OLA1: variants seen among roughly 807,000 people sequenced by gnomAD.
OLA1 encodes Obg like ATPase 1.
OLA1 carries 14 observed loss-of-function variants against 48.4 expected under a neutral mutation model. The observed-to-expected ratio is 0.29, with a 90% confidence interval of 0.19 to 0.45. The LOEUF (loss-of-function observed/expected upper bound fraction) is 0.45. OLA1 is among the 20% of genes least tolerant of loss of function. OLA1 has a pLI of 1.00. For synonymous variants in OLA1, 127 were observed against 150.4 expected (o/e 0.84, Z 1.14); for missense variants, 325 against 467.1 (o/e 0.70, Z 2.80).
At chr2:174,118,514 G>A (rs746202201) in intron 7 of OLA1, among the ~76,000 whole-genome samples, 2 of 152,176 alleles carry the variant, frequency 1.3e-5, no homozygotes, top group African/African-American at 4.8e-5. Flanking sequence ...GTGTGTACAT[G>A]TATAGAGAAT....
intron 7 of OLA1, among the ~76,000 whole-genome samples, chr2:174,116,876 T>C (rs1685796593): frequency 6.6e-6 from 1 of 152,174 alleles, no homozygotes; most frequent in Non-Finnish European, 1.5e-5. Flanking sequence ...ACAATGAAAC[T>C]GTTTTAAAAG....
intron 4 of OLA1, chr2:174,172,164 G>C: frequency 4.6e-6 from 1 of 218,850 alleles, no homozygotes; most frequent in South Asian, 8.7e-5. Flanking sequence ...GAGCTGGAGA[G>C]ATGTGGCGTT....
chr2:174,116,142 A>C lies in OLA1; in HGVS notation c.728+7038T>G, dbSNP rs116077662. ...TTTCTTGATGTAAAGCATTAAAAAT[A>C]CAGATTGCACAGCAATGTGCAGTCC... is the stretch of plus-strand genomic sequence containing the variant. On this transcript the variant is annotated intron_variant, in intron 7 of 10. Transcript: ENST00000284719. Among the ~76,000 whole-genome samples, 1,198 of 152,362 alleles carry C rather than the reference A, an allele frequency of 7.9e-3. 18 individuals carry two copies. The highest frequency in any genetic ancestry group is 0.027 in the African/African-American group (1,130 of 41,568).
At chr2:174,147,863 G>A (rs749008657) in intron 4 of OLA1, among the ~76,000 whole-genome samples, 2 of 152,018 alleles carry the variant, frequency 1.3e-5, no homozygotes, top group African/African-American at 2.4e-5. Flanking sequence ...TTGCTCTGTC[G>A]CTCAGGCTGG....
intron 5 of OLA1, among the ~76,000 whole-genome samples, chr2:174,140,671 G>C (rs565130031): frequency 6.6e-6 from 1 of 152,078 alleles, no homozygotes; most frequent in South Asian, 2.1e-4. Context: ...AATCCCCTTT[G>C]CCATCATGGG....
intron 4 of OLA1, among the ~76,000 whole-genome samples, chr2:174,195,066 A>G (rs561448921): frequency 1.3e-5 from 2 of 152,290 alleles, no homozygotes; most frequent in Admixed American, 6.5e-5. Context: ...GCTGTGCTTC[A>G]GCCTTCATCT....
chr2:174,082,506 T>G (rs1389363659), intron 7 of OLA1, among the ~76,000 whole-genome samples: 2 of 152,124 alleles, frequency 1.3e-5, no homozygotes, highest in Non-Finnish European at 2.9e-5. Flanking sequence ...AAATAAATAA[T>G]TTGTTCCAGC....
intron 4 of OLA1, among the ~76,000 whole-genome samples, chr2:174,143,696 A>C (rs10930642): frequency 0.42 from 63,458 of 152,078 alleles, 14,150 homozygotes; most frequent in East Asian, 0.94. Context: ...TAGTAACTGC[A>C]ATTCTTCTGA....
intron 4 of OLA1, among the ~76,000 whole-genome samples, chr2:174,149,766 T>G (rs527317395): frequency 1.2e-4 from 18 of 152,278 alleles, no homozygotes; most frequent in Middle Eastern, 3.4e-3. Context: ...GACTGAAGAT[T>G]AATCAGTTTG....
At chr2:174,093,008 C>T (rs1297483081) in intron 7 of OLA1, among the ~76,000 whole-genome samples, 3 of 152,180 alleles carry the variant, frequency 2.0e-5, no homozygotes, top group African/African-American at 2.4e-5. Flanking sequence ...AGATCATTCC[C>T]GAATCTCCGG....
intron 9 of OLA1, among the ~76,000 whole-genome samples, chr2:174,079,879 A>T (rs1298097684): frequency 6.6e-6 from 1 of 152,000 alleles, no homozygotes; most frequent in Non-Finnish European, 1.5e-5. Flanking sequence ...ACTGATGCTT[A>T]CCTGACTAAA....
chr2:174,155,736 T>C (rs959505851), intron 4 of OLA1, among the ~76,000 whole-genome samples: 39 of 151,548 alleles, frequency 2.6e-4, no homozygotes, highest in African/African-American at 8.5e-4. Flanking sequence ...AATGTAGCAA[T>C]AAAAAAAGAG....
intron 5 of OLA1, among the ~76,000 whole-genome samples, chr2:174,137,611 A>C (rs967438449): frequency 2.0e-5 from 3 of 152,128 alleles, no homozygotes; most frequent in Non-Finnish European, 4.4e-5. Context: ...TCTTAGTTAG[A>C]CCTTCTGGAG....
rs574221329 is a variant in OLA1, at chr2:174,138,134, C to A, written c.549+3691G>T. Among the ~76,000 whole-genome samples, 195 of 152,368 alleles carry A rather than the reference C, an allele frequency of 1.3e-3. 2 individuals are homozygous for A. The highest frequency in any genetic ancestry group is 4.5e-3 in the African/African-American group (188 of 41,588). ...TCCTTTGCATTCACAACTTGGCTAACGTGGTGCAAAAGACCTGGCTTTCAG... is the reference window on the plus strand; with the variant it reads ...TCCTTTGCATTCACAACTTGGCTAAAGTGGTGCAAAAGACCTGGCTTTCAG... On this transcript the variant is annotated intron_variant, in intron 5 of 10. Transcript: ENST00000284719.
intron 7 of OLA1, among the ~76,000 whole-genome samples, chr2:174,112,290 A>G (rs1685672193): frequency 6.6e-6 from 1 of 152,198 alleles, no homozygotes; most frequent in African/African-American, 2.4e-5. Flanking sequence ...TGGTTATGTA[A>G]CTTTGGCCAA....
At chr2:174,180,673 T>G (rs1230394481) in intron 4 of OLA1, among the ~76,000 whole-genome samples, 1 of 152,218 alleles carries the variant, frequency 6.6e-6, no homozygotes, top group Non-Finnish European at 1.5e-5. Context: ...CCTTTTCTAC[T>G]GGCCTACTTG....
chr2:174,130,640 A>G (rs1686159551), intron 5 of OLA1, among the ~76,000 whole-genome samples: 1 of 152,184 alleles, frequency 6.6e-6, no homozygotes, highest in Admixed American at 6.5e-5. Flanking sequence ...GTTTGAATGC[A>G]TTTTACCATG....
chr2:174,141,326 T>C (rs930778359), intron 5 of OLA1, among the ~76,000 whole-genome samples: 26 of 152,376 alleles, frequency 1.7e-4, no homozygotes, highest in Admixed American at 7.8e-4. Flanking sequence ...ATGTTACTAA[T>C]AATCATTCAT....
At chr2:174,156,348 G>C (rs1481899550) in intron 4 of OLA1, among the ~76,000 whole-genome samples, 1 of 152,066 alleles carries the variant, frequency 6.6e-6, no homozygotes, top group Non-Finnish European at 1.5e-5. Flanking sequence ...TCCAGACATT[G>C]CCAACCTACA....
Sources: allele counts gnomAD v4.1 joint callset (sites outside exome capture counted in the v4.1 genomes callset), GRCh38; gene constraint gnomAD v4.1.1; transcripts MANE v1.5; gene names NCBI Gene and HGNC (gene_info 2026-07-23, HGNC 2026-07-21).